The following SHISA6 variants were observed in gnomAD, a reference collection of about 807,000 sequenced individuals.
The protein encoded by SHISA6 is shisa family member 6, also known as protein shisa-6.
A neutral mutation model predicts 47.9 loss-of-function variants in SHISA6; 22 were observed. The observed-to-expected ratio is 0.46, with a 90% CI of 0.33 to 0.66. The LOEUF is 0.66. SHISA6 is among the 30% of genes least tolerant of loss of function. The pLI is 0.02. For missense variants in SHISA6, 680 were observed against 764.6 expected (o/e 0.89, Z 1.30); for synonymous variants, 388 against 337.8 (o/e 1.15, Z -1.63).
chr17:11,265,369 G>A (rs1351425173), intron 2 of SHISA6, among the ~76,000 whole-genome samples: 1 of 152,150 alleles, frequency 6.6e-6, no homozygotes, highest in Non-Finnish European at 1.5e-5. Flanking sequence ...AAAAATTAAG[G>A]ATGTCTGGGC....
intron 2 of SHISA6, among the ~76,000 whole-genome samples, chr17:11,329,612 G>A (rs169506): frequency 0.05 from 7,669 of 152,056 alleles, 234 homozygotes; most frequent in Middle Eastern, 0.1. Flanking sequence ...AAACATTTTA[G>A]GTAAGGGTAG....
intron 2 of SHISA6, among the ~76,000 whole-genome samples, chr17:11,291,263 G>A (rs1049379301): frequency 6.6e-6 from 1 of 151,556 alleles, no homozygotes; most frequent in African/African-American, 2.4e-5. Flanking sequence ...GTTACTGGTG[G>A]CTTCTTGAGA....
chr17:11,487,793 A>G (rs1567618912), intron 3 of SHISA6, among the ~76,000 whole-genome samples: 1 of 152,068 alleles, frequency 6.6e-6, no homozygotes, highest in Non-Finnish European at 1.5e-5. Context: ...CCCTCCCGAG[A>G]ACCTGGAGTC....
intron 3 of SHISA6, among the ~76,000 whole-genome samples, chr17:11,542,767 C>T (rs1325687435): frequency 6.6e-6 from 1 of 152,138 alleles, no homozygotes; most frequent in Admixed American, 6.5e-5. Context: ...CCTCTACCTC[C>T]TTCAGATGGG....
At chr17:11,514,470 C>T (rs2071566274) in intron 3 of SHISA6, among the ~76,000 whole-genome samples, 1 of 152,064 alleles carries the variant, frequency 6.6e-6, no homozygotes, top group Non-Finnish European at 1.5e-5. Flanking sequence ...ATAGAATTGC[C>T]ATTTTAGCCG....
At chr17:11,317,387 ATC>A (rs948412569) in intron 2 of SHISA6, among the ~76,000 whole-genome samples, 44 of 151,058 alleles carry the variant, frequency 2.9e-4, no homozygotes, top group Middle Eastern at 3.4e-3. Context: ...GCCTTGTATT[ATC>A]TGTTACCTAA....
chr17:11,379,639 G>A (rs1197649494), intron 3 of SHISA6, 130 bp downstream of exon 3: 5 of 607,630 alleles, frequency 8.2e-6, no homozygotes, highest in Non-Finnish European at 1.4e-5. Flanking sequence ...ATGGCAGCTT[G>A]TCCTGGTGAC....
At chr17:11,292,529 A>T (rs912909060) in intron 2 of SHISA6, among the ~76,000 whole-genome samples, 2 of 152,110 alleles carry the variant, frequency 1.3e-5, no homozygotes, top group African/African-American at 2.4e-5. Flanking sequence ...CTCTGTCAGG[A>T]CGTAACATTT....
rs189657226 is a variant in SHISA6 at position 11,421,695 on chromosome 17, A to G, written c.895+42186A>G. On this transcript the variant is annotated intron_variant, in intron 3 of 5. Transcript: ENST00000441885. ...TCTGTCTTCCCTCAGTTGCTGCCTG[A>G]TTAGAAACAAAGAGGAGTTACAGGT... Among the ~76,000 whole-genome samples the G allele has an allele frequency of 7.2e-5, 11 of 152,332 alleles. No homozygotes were observed. The South Asian group carries it at 1.2e-3, about 17-fold the overall frequency.
chr17:11,357,218 A>T (rs1259604681), intron 2 of SHISA6, among the ~76,000 whole-genome samples: 7 of 150,826 alleles, frequency 4.6e-5, no homozygotes, highest in Admixed American at 1.3e-4. Flanking sequence ...ATGAAGAAGA[A>T]GAAGAAGAAG....
intron 3 of SHISA6, among the ~76,000 whole-genome samples, chr17:11,458,995 G>T (rs1195212762): frequency 6.6e-6 from 1 of 151,804 alleles, no homozygotes; most frequent in African/African-American, 2.4e-5. Flanking sequence ...CATGAGGTCA[G>T]GATCAGGAGA....
intron 3 of SHISA6, among the ~76,000 whole-genome samples, chr17:11,401,130 G>C (rs1371927114): frequency 6.6e-6 from 1 of 152,172 alleles, no homozygotes; most frequent in East Asian, 1.9e-4. Context: ...CCTAATACTT[G>C]TTTACATTAT....
At position 11,259,600 on chromosome 17, in the gene SHISA6, C is replaced by G. The variant is rs376360569; in HGVS notation, c.639-3766C>G. Among the ~76,000 whole-genome samples the G allele has an allele frequency of 1.9e-4, 29 of 152,338 alleles. No homozygotes were observed. The East Asian group carries it at 5.2e-3, about 27-fold the overall frequency. ...TTAAAATGTTGACTGGGCTTGGTCCCTGCAGGTGTTGAGATAACTAAGCAC... is the reference window on the plus strand; with the variant it reads ...TTAAAATGTTGACTGGGCTTGGTCCGTGCAGGTGTTGAGATAACTAAGCAC... On this transcript the variant is annotated intron_variant, in intron 1 of 5. Transcript: ENST00000441885.
chr17:11,459,436 G>C (rs1000059118), intron 3 of SHISA6, among the ~76,000 whole-genome samples: 3 of 152,122 alleles, frequency 2.0e-5, no homozygotes, highest in African/African-American at 7.2e-5. Flanking sequence ...GCTAGACCAT[G>C]AGCTGTATGA....
chr17:11,301,977 A>G (rs568506263), intron 2 of SHISA6, among the ~76,000 whole-genome samples: 2 of 152,310 alleles, frequency 1.3e-5, no homozygotes, highest in South Asian at 2.1e-4. Flanking sequence ...CACTTCTTAC[A>G]TGGCGGCGGC....
chr17:11,314,814 A>G (rs1910452651), intron 2 of SHISA6, among the ~76,000 whole-genome samples: 1 of 152,130 alleles, frequency 6.6e-6, no homozygotes. Context: ...TGCTGAGACT[A>G]CAGGGGTGAG....
chr17:11,307,807 G>C (rs1278220599), intron 2 of SHISA6, among the ~76,000 whole-genome samples: 1 of 152,144 alleles, frequency 6.6e-6, no homozygotes, highest in Non-Finnish European at 1.5e-5. Context: ...AAAATAATGT[G>C]AGTAAAGGGA....
At chr17:11,249,005 G>A (rs1907694877) in intron 1 of SHISA6, among the ~76,000 whole-genome samples, 1 of 152,090 alleles carries the variant, frequency 6.6e-6, no homozygotes, top group African/African-American at 2.4e-5. Flanking sequence ...CGGGCTTGGT[G>A]GCGGCGCCTG....
chr17:11,422,622 C>T (rs1035319509), intron 3 of SHISA6, among the ~76,000 whole-genome samples: 4 of 152,014 alleles, frequency 2.6e-5, no homozygotes, highest in Non-Finnish European at 5.9e-5. Context: ...ATTAGTAGGG[C>T]GTGGTGGTGC....
Sources: gnomAD v4.1 joint callset for allele counts (sites outside exome capture counted in the v4.1 genomes callset) on GRCh38, gnomAD v4.1.1 for gene constraint, MANE v1.5 for transcripts, NCBI Gene and HGNC (gene_info 2026-07-23, HGNC 2026-07-21) for gene names.